The following JAK2 variants were observed in gnomAD, a reference collection of about 807,000 sequenced individuals.
JAK2 encodes Janus kinase 2.
JAK2 carries 86 observed loss-of-function variants against 139.3 expected under a neutral mutation model. The ratio of observed to expected loss-of-function variants is 0.62; its 90% confidence interval spans 0.52 to 0.74. JAK2 has a LOEUF of 0.74. Among genes scored for constraint, JAK2 ranks in the 30% least tolerant of loss-of-function variants. JAK2 has a pLI of 0.00. For missense variants in JAK2, 1,421 were observed against 1,360.3 expected (o/e 1.04, Z -0.70); for synonymous variants, 490 against 437.7 (o/e 1.12, Z -1.49).
chr9:5,102,370 C>T (rs1821570334), intron 22 of JAK2, among the ~76,000 whole-genome samples: 1 of 152,096 alleles, frequency 6.6e-6, no homozygotes, highest in Non-Finnish European at 1.5e-5. Context: ...AAGATAAAGC[C>T]TACAAGAAAT....
At chr9:5,093,788 G>A (rs1820767560) in intron 22 of JAK2, among the ~76,000 whole-genome samples, 1 of 152,150 alleles carries the variant, frequency 6.6e-6, no homozygotes, top group Admixed American at 6.5e-5. Flanking sequence ...CGACCTCGAT[G>A]TTGGATCAGG....
At chr9:4,986,911 TC>T (rs1296747110) in intron 2 of JAK2, among the ~76,000 whole-genome samples, 2 of 152,194 alleles carry the variant, frequency 1.3e-5, no homozygotes, top group Non-Finnish European at 2.9e-5. Flanking sequence ...TCAAAATGTT[TC>T]AGATTTTGCA....
intron 4 of JAK2, chr9:5,041,288 G>A (rs1402801780): frequency 2.0e-6 from 2 of 993,886 alleles, no homozygotes; most frequent in East Asian, 4.9e-5. Context: ...GGGGTACACT[G>A]GTCTCAGGAC....
intron 22 of JAK2, among the ~76,000 whole-genome samples, chr9:5,120,100 G>T (rs1200994506): frequency 6.6e-6 from 1 of 152,212 alleles, no homozygotes; most frequent in African/African-American, 2.4e-5. Flanking sequence ...GTGCTGGCAG[G>T]TTCAGGCGTC....
At chr9:5,004,744 C>G (rs1284125576) in intron 2 of JAK2, among the ~76,000 whole-genome samples, 1 of 151,924 alleles carries the variant, frequency 6.6e-6, no homozygotes, top group Non-Finnish European at 1.5e-5. Context: ...ATTTTCCCAC[C>G]AAGAGTATAC....
At chr9:5,043,656 T>C (rs1816780916) in intron 4 of JAK2, among the ~76,000 whole-genome samples, 1 of 152,220 alleles carries the variant, frequency 6.6e-6, no homozygotes, top group African/African-American at 2.4e-5. Context: ...CTCTTCATAC[T>C]AGCGTTATTC....
chr9:5,128,889 A>C lies in JAK2; in HGVS notation c.*2098A>C, dbSNP rs535409756. Among the ~76,000 whole-genome samples the C allele has an allele frequency of 6.6e-6, 1 of 152,148 alleles. No individual in the cohort carries two copies. Among genetic ancestry groups the C allele is most frequent in the South Asian group, 2.1e-4 (1 of 4,826 alleles). ...TAATATTCTTCAGAAACAAGGGTAA[A>C]GGTATTCTTAGAATTATGTAATTCT... On this transcript the variant is annotated 3_prime_UTR_variant, in exon 25 of 25. Coordinates refer to ENST00000381652, the MANE Select transcript of JAK2 (RefSeq NM_004972.4).
intron 3 of JAK2, among the ~76,000 whole-genome samples, chr9:5,025,178 G>C (rs978674933): frequency 1.3e-5 from 2 of 151,914 alleles, no homozygotes; most frequent in Non-Finnish European, 2.9e-5. Context: ...TAGGTCCTTG[G>C]AACTACCTAC....
chr9:5,071,253 A>T (rs1818933538), intron 12 of JAK2, among the ~76,000 whole-genome samples: 1 of 152,220 alleles, frequency 6.6e-6, no homozygotes, highest in African/African-American at 2.4e-5. Flanking sequence ...AGATAAAAGC[A>T]TTGCAAACAC....
intron 23 of JAK2, chr9:5,125,938 A>T (rs1253399459): frequency 1.3e-5 from 2 of 152,886 alleles, no homozygotes; most frequent in East Asian, 3.8e-4. Context: ...TTGACATATG[A>T]AAGTTTTCTT....
chr9:5,101,934 A>T (rs1821526979), intron 22 of JAK2, among the ~76,000 whole-genome samples: 1 of 152,228 alleles, frequency 6.6e-6, no homozygotes, highest in South Asian at 2.1e-4. Context: ...ATAAAACCAC[A>T]AAGATGGGGA....
chr9:5,113,894 C>T (rs1276713753), intron 22 of JAK2: 1 of 224,728 alleles, frequency 4.4e-6, no homozygotes, highest in Non-Finnish European at 9.0e-6. Flanking sequence ...ATCTTACAGT[C>T]CTCCTGTGAT....
At chr9:5,004,104 C>T (rs1042498749) in intron 2 of JAK2, among the ~76,000 whole-genome samples, 4 of 152,066 alleles carry the variant, frequency 2.6e-5, no homozygotes, top group Non-Finnish European at 5.9e-5. Flanking sequence ...GTCTAATTAA[C>T]ATATGTATCA....
chr9:5,043,145 A>AG (rs1177230028), intron 4 of JAK2, among the ~76,000 whole-genome samples: 2 of 152,294 alleles, frequency 1.3e-5, no homozygotes, highest in East Asian at 3.9e-4. Context: ...GTGTATGTGC[A>AG]GGGGGGTCTG....
chr9:5,081,550 C>G (rs1003280289), intron 18 of JAK2, among the ~76,000 whole-genome samples, 175 bp from the exon 19 acceptor site: 2 of 152,130 alleles, frequency 1.3e-5, no homozygotes, highest in African/African-American at 2.4e-5. Flanking sequence ...GAAGGCCTGT[C>G]AGATTATGGG....
At chr9:5,041,232 C>A in intron 4 of JAK2, 3 of 1,470,278 alleles carry the variant, frequency 2.0e-6, no homozygotes, top group South Asian at 2.3e-5. Flanking sequence ...CGCCCGGGGA[C>A]CAAGCGGCAG....
chr9:5,015,203 T>A (rs936658194), intron 2 of JAK2, among the ~76,000 whole-genome samples: 1 of 152,184 alleles, frequency 6.6e-6, no homozygotes, highest in Admixed American at 6.5e-5. Context: ...GTTTGCAGTT[T>A]TTGCCATTGG....
intron 2 of JAK2, among the ~76,000 whole-genome samples, chr9:4,994,429 G>A (rs1030690450): frequency 3.3e-5 from 5 of 152,158 alleles, no homozygotes; most frequent in African/African-American, 1.2e-4. Flanking sequence ...GCTCTGGAGT[G>A]GGACTTGAGG....
intron 22 of JAK2, chr9:5,112,472 G>A (rs1048284259): frequency 5.5e-6 from 3 of 546,458 alleles, no homozygotes; most frequent in Admixed American, 5.6e-5. Context: ...CCCCGGGACC[G>A]GACCAGCCCA....
Sources: allele counts gnomAD v4.1 joint callset (sites outside exome capture counted in the v4.1 genomes callset), GRCh38; gene constraint gnomAD v4.1.1; transcripts MANE v1.5; gene names NCBI Gene and HGNC (gene_info 2026-07-23, HGNC 2026-07-21).